Variants in SYNE1 observed in about 807,000 individuals in gnomAD.
SYNE1 encodes spectrin repeat containing nuclear envelope protein 1, also known as nesprin-1.
In SYNE1, 616 loss-of-function variants were observed where a neutral mutation model predicts 1,111.0. The ratio of observed to expected loss-of-function variants is 0.55; its 90% CI spans 0.52 to 0.59. The LOEUF is 0.59. SYNE1 is among the 20% of genes least tolerant of loss of function. The pLI is 0.00. For synonymous variants in SYNE1, 3,855 were observed against 3,825.8 expected (o/e 1.01, Z -0.28); for missense variants, 10,006 against 10,417.0 (o/e 0.96, Z 1.72).
chr6:152,358,239 C>T lies in SYNE1; in HGVS notation c.10608+134G>A. 4.1e-6 allele frequency: 5 copies of T among 1,234,076 alleles called. 1 individual carries two copies. The South Asian group carries it at 6.2e-5, about 15-fold the overall frequency. 76.4% of individuals were successfully genotyped at this position (1,234,076 alleles called of 1,614,324 possible). ...AGGTCTCAGAATGTTCTTGATCAAA[C>T]CTTATGGGGATTGCACTTAATGTGT... On this transcript the variant is annotated intron_variant, in intron 66 of 145. Transcript: ENST00000367255.
intron 47 of SYNE1, 100 bp downstream of exon 47, chr6:152,401,038 G>T: frequency 8.3e-7 from 1 of 1,199,270 alleles, no homozygotes. Flanking sequence ...GTTCATATGG[G>T]TAACTGAGAG....
chr6:152,391,427 G>A lies in SYNE1; in HGVS notation c.7854C>T (p.Ser2618=), dbSNP rs79449810. Residue 2618 remains serine (S), a synonymous_variant, in exon 52 of 146, where the codon AGC becomes AGT. Coordinates refer to ENST00000367255, the MANE Select transcript of SYNE1 (RefSeq NM_182961.4). ...CGTGCTCCTGAAGGGCCACCTGGCA[G>A]CTCCGGAGTTTCTCTTTGGTCATTC... is the stretch of plus-strand genomic sequence containing the variant. ...LLRMTKEKLR[S]CQVALQEHEA... 711 of 1,613,986 alleles carry A rather than the reference G, an allele frequency of 4.4e-4. 6 individuals carry two copies. The East Asian group carries it at 0.015, about 33-fold the overall frequency.
rs1271310734 is a variant in SYNE1, at chr6:152,502,713, A to G, written c.808T>C (p.Ser270Pro). ...DVDVDKPDEKSIMTYVAQFLK... is the reference protein window; with the variant it reads ...DVDVDKPDEKPIMTYVAQFLK... ...AACTGGGCTACATAGGTCATAATAG[A>G]TTTCTCATCTGGTTTATCCACATCA... The change falls in exon 10 of 146, where the codon TCT becomes CCT. Residue 270 changes from serine to proline, a missense_variant. Physicochemically the swap from Ser to Pro is moderately conservative, Grantham distance 74. Transcript: ENST00000367255. 2 of 1,613,614 alleles carry G rather than the reference A, an allele frequency of 1.2e-6. No individual in the cohort carries two copies. The highest frequency in any genetic ancestry group is 1.7e-6 in the Non-Finnish European group (2 of 1,179,770).
intron 138 of SYNE1, among the ~76,000 whole-genome samples, chr6:152,142,872 A>G (rs1351739850): frequency 6.6e-6 from 1 of 152,226 alleles, no homozygotes; most frequent in Non-Finnish European, 1.5e-5. Flanking sequence ...AGTTGTGACC[A>G]GACTTGGGGA....
intron 130 of SYNE1, among the ~76,000 whole-genome samples, chr6:152,171,519 A>C (rs2065199731): frequency 6.6e-6 from 1 of 152,224 alleles, no homozygotes; most frequent in Admixed American, 6.5e-5. Context: ...AGTTCAGGGA[A>C]ATGCTATGAA....
chr6:152,293,909 T>C, intron 94 of SYNE1, 51 bp downstream of exon 94: 2 of 1,613,086 alleles, frequency 1.2e-6, no homozygotes, highest in East Asian at 2.2e-5. Context: ...AGACAATCGC[T>C]AAGGTTACTG....
chr6:152,568,286 A>ATTTTTTTTTTTTTTTTT (rs1564899028), intron 3 of SYNE1, among the ~76,000 whole-genome samples: 1 of 101,782 alleles, frequency 9.8e-6, no homozygotes. Flanking sequence ...ATTTTATTTT[A>ATTTTTTTTTTTTTTTTT]TTCTTTTTTT....
intron 66 of SYNE1, among the ~76,000 whole-genome samples, chr6:152,355,902 T>G (rs958265975): frequency 1.1e-4 from 16 of 152,214 alleles, no homozygotes; most frequent in Non-Finnish European, 2.9e-5. Context: ...TGGTTTCAAC[T>G]AATAGAAAAT....
chr6:152,253,687 GA>G, intron 104 of SYNE1, among the ~76,000 whole-genome samples: 1 of 152,166 alleles, frequency 6.6e-6, no homozygotes, highest in East Asian at 1.9e-4. Flanking sequence ...ATAAAAAAAT[GA>G]AACTCAAATG....
intron 4 of SYNE1, among the ~76,000 whole-genome samples, chr6:152,539,538 A>G (rs964056476): frequency 6.6e-6 from 1 of 152,166 alleles, no homozygotes; most frequent in African/African-American, 2.4e-5. Flanking sequence ...AGCACCAGAG[A>G]TGAGAGCACT....
chr6:152,256,823 C>G, intron 101 of SYNE1, 58 bp from the exon 102 acceptor site: 1 of 1,605,598 alleles, frequency 6.2e-7, no homozygotes, highest in Non-Finnish European at 8.5e-7. Context: ...CCAGTATTCT[C>G]ATTTGGAAAT....
Position 152,612,742 on chromosome 6 carries a change from T to C in SYNE1, c.67+15523A>G, listed in dbSNP as rs1485286981. Reference sequence around the variant, plus strand: ...TCCATGATGAAAATCGATGTGAAAATCCTCAGTAAAATACTGGCAAACCGA... The same window carrying C: ...TCCATGATGAAAATCGATGTGAAAACCCTCAGTAAAATACTGGCAAACCGA... On this transcript the variant is annotated intron_variant, in intron 3 of 145. Coordinates refer to ENST00000367255, the MANE Select transcript of SYNE1 (RefSeq NM_182961.4). Among the ~76,000 whole-genome samples the C allele has an allele frequency of 3.3e-5, 5 of 152,002 alleles. No individual in the cohort carries two copies. The East Asian group carries it at 9.6e-4, about 29-fold the overall frequency.
intron 32 of SYNE1, among the ~76,000 whole-genome samples, chr6:152,438,489 A>T (rs1488658454): frequency 6.6e-6 from 1 of 152,200 alleles, no homozygotes; most frequent in Non-Finnish European, 1.5e-5. Flanking sequence ...GTAAGGCCTT[A>T]TCTCTAACTT....
At chr6:152,328,572 A>ATTTTTT (rs67478287) in intron 78 of SYNE1, among the ~76,000 whole-genome samples, 2 of 143,536 alleles carry the variant, frequency 1.4e-5, no homozygotes, top group Non-Finnish European at 3.1e-5. Flanking sequence ...AACCCAGCTA[A>ATTTTTT]TTTTTTTTTT....
At chr6:152,621,484 A>G (rs1397356684) in intron 3 of SYNE1, among the ~76,000 whole-genome samples, 1 of 152,178 alleles carries the variant, frequency 6.6e-6, no homozygotes, top group African/African-American at 2.4e-5. Context: ...GTGAATTTAC[A>G]TTACATGCCA....
chr6:152,440,155 A>G (rs1182093581), intron 32 of SYNE1, among the ~76,000 whole-genome samples: 1 of 151,726 alleles, frequency 6.6e-6, no homozygotes, highest in Non-Finnish European at 1.5e-5. Flanking sequence ...AACACCTGCC[A>G]CCCCACCGCC....
At chr6:152,477,033 T>C (rs921229453) in intron 14 of SYNE1, among the ~76,000 whole-genome samples, 2 of 151,988 alleles carry the variant, frequency 1.3e-5, no homozygotes, top group African/African-American at 4.8e-5. Flanking sequence ...CACCACAAAA[T>C]ATATAAAACA....
At chr6:152,190,920 T>C (rs529221422) in intron 127 of SYNE1, among the ~76,000 whole-genome samples, 1 of 152,382 alleles carries the variant, frequency 6.6e-6, no homozygotes, top group South Asian at 2.1e-4. Flanking sequence ...ATCTGCCATA[T>C]ATGGCTTTTA....
chr6:152,394,821 T>C (rs1175044095), intron 51 of SYNE1, among the ~76,000 whole-genome samples: 7 of 149,694 alleles, frequency 4.7e-5, no homozygotes, highest in African/African-American at 1.5e-4. Context: ...AGTCTCACTC[T>C]GTCACCCAGG....
Sources: allele counts gnomAD v4.1 joint callset (sites outside exome capture counted in the v4.1 genomes callset), GRCh38; gene constraint gnomAD v4.1.1; transcripts MANE v1.5; gene names NCBI Gene and HGNC (gene_info 2026-07-23, HGNC 2026-07-21).